AKAP13: variants seen among roughly 807,000 people sequenced by gnomAD.
AKAP13 encodes the protein A-kinase anchoring protein 13, also known as A-kinase anchor protein 13.
AKAP13 carries 80 observed loss-of-function variants against 264.5 expected under a neutral mutation model. The observed-to-expected ratio is 0.30, with a 90% CI of 0.25 to 0.36. The LOEUF is 0.36. Among genes scored for constraint, AKAP13 ranks in the 10% least tolerant of loss-of-function variants. The pLI is 1.00. For missense variants in AKAP13, 3,712 were observed against 3,435.2 expected (o/e 1.08, Z -2.01); for synonymous variants, 1,380 against 1,250.2 (o/e 1.10, Z -2.19).
intron 17 of AKAP13, among the ~76,000 whole-genome samples, chr15:85,697,245 A>G (rs919757255): frequency 6.6e-6 from 1 of 152,220 alleles, no homozygotes; most frequent in African/African-American, 2.4e-5. Context: ...ATGAGGAAGA[A>G]TTAGGGGATG....
chr15:85,669,798 CATT>C lies in AKAP13; in HGVS notation c.5071_5073del (p.Leu1691del). ...TCCTCTCCATTGACAAAATCCATCT[CATT>C]AATGACAATCAGCCATCCTGGATTG... On this transcript the variant is annotated inframe_deletion, in exon 14 of 37. Coordinates refer to ENST00000394518, the MANE Select transcript of AKAP13 (RefSeq NM_007200.5). 1 of 1,612,550 alleles carries C rather than the reference CATT, an allele frequency of 6.2e-7. No individual in the cohort carries two copies. The highest frequency in any genetic ancestry group is 8.5e-7 in the Non-Finnish European group (1 of 1,178,688).
intron 1 of AKAP13, among the ~76,000 whole-genome samples, chr15:85,416,262 A>G (rs993698204): frequency 1.2e-4 from 19 of 152,202 alleles, no homozygotes; most frequent in African/African-American, 4.3e-4. Context: ...TTCTTGGGGA[A>G]GGAGTTAAAA....
At chr15:85,463,084 A>G (rs374429566) in intron 1 of AKAP13, among the ~76,000 whole-genome samples, 1 of 151,840 alleles carries the variant, frequency 6.6e-6, no homozygotes, top group East Asian at 1.9e-4. Flanking sequence ...AGCAAAACAG[A>G]GATGACAGAA....
chr15:85,577,846 T>C (rs2079066466), intron 6 of AKAP13: 1 of 984,970 alleles, frequency 1.0e-6, no homozygotes, highest in African/African-American at 1.7e-5. Flanking sequence ...GGAACATATT[T>C]TGGGGATTAA....
At chr15:85,551,032 G>T (rs944966695) in intron 5 of AKAP13, among the ~76,000 whole-genome samples, 1 of 152,116 alleles carries the variant, frequency 6.6e-6, no homozygotes, top group African/African-American at 2.4e-5. Context: ...ATAGTTAGTC[G>T]CTCTTTTCAC....
intron 16 of AKAP13, chr15:85,693,031 C>G (rs1301948892): frequency 4.2e-6 from 2 of 472,994 alleles, no homozygotes; most frequent in East Asian, 9.6e-5. Flanking sequence ...TAGAAGTAAC[C>G]AATGAATAAG....
chr15:85,735,207 T>C, intron 31 of AKAP13, 57 bp downstream of exon 31: 1 of 1,568,836 alleles, frequency 6.4e-7, no homozygotes, highest in East Asian at 2.2e-5. Context: ...CTCACACAAC[T>C]CAAAATGACT....
intron 33 of AKAP13, among the ~76,000 whole-genome samples, chr15:85,738,384 C>T (rs1182250672): frequency 2.6e-5 from 4 of 151,208 alleles, no homozygotes; most frequent in Non-Finnish European, 4.4e-5. Context: ...AGTGAAACTC[C>T]GTATCCATCT....
At chr15:85,439,738 C>T (rs1401010852) in intron 1 of AKAP13, among the ~76,000 whole-genome samples, 1 of 143,246 alleles carries the variant, frequency 7.0e-6, no homozygotes, top group East Asian at 2.1e-4. Flanking sequence ...CCAAACACCG[C>T]ATATTCTCAC....
chr15:85,395,091 A>G (rs2071048860), intron 1 of AKAP13, among the ~76,000 whole-genome samples: 1 of 152,218 alleles, frequency 6.6e-6, no homozygotes, highest in Non-Finnish European at 1.5e-5. Context: ...CTTATAGCCC[A>G]TTGTTCAGAG....
rs556316009 is a variant in AKAP13 at position 85,533,058 on chromosome 15, A to G, written c.182-526A>G. The stretch of plus-strand genomic sequence containing the variant: ...TCATAGTAGTAAAATAAAATCAAGT[A>G]ATTATGTACTTTTCCAAGTGCTTCA... On this transcript the variant is annotated intron_variant, in intron 3 of 36. Transcript: ENST00000394518. Among the ~76,000 whole-genome samples the G allele has an allele frequency of 2.6e-5, 4 of 152,378 alleles. No homozygotes were observed. The South Asian group carries it at 8.3e-4, about 32-fold the overall frequency.
intron 1 of AKAP13, among the ~76,000 whole-genome samples, chr15:85,420,904 C>T (rs1452275895): frequency 6.6e-6 from 1 of 151,974 alleles, no homozygotes; most frequent in African/African-American, 2.4e-5. Context: ...GGCAACATGG[C>T]AAGACCGTGT....
chr15:85,718,885 C>T lies in AKAP13; in HGVS notation c.6002-191C>T. On this transcript the variant is annotated intron_variant, in intron 22 of 36. Coordinates refer to ENST00000394518, the MANE Select transcript of AKAP13 (RefSeq NM_007200.5). The surrounding 1 kb of genome is among the most constrained non-coding windows in gnomAD (Gnocchi z 4.9). ...CTGCACTTCAGCCTGGGTGACAGAG[C>T]CAGAACCTGTCTTAAAAAAAAAACA... 1 of 681,206 alleles carries T rather than the reference C, an allele frequency of 1.5e-6. No homozygotes were observed. The highest frequency in any genetic ancestry group is 1.8e-5 in the African/African-American group (1 of 54,142). The allele number at this position is 681,206 out of a possible 1,614,324, so 42.2% of individuals were successfully genotyped here.
intron 1 of AKAP13, among the ~76,000 whole-genome samples, chr15:85,403,878 TG>T (rs2071546942): frequency 2.0e-5 from 3 of 148,872 alleles, no homozygotes; most frequent in African/African-American, 7.4e-5. Context: ...TGACGTGAAA[TG>T]CTCTCTCTCT....
intron 8 of AKAP13, among the ~76,000 whole-genome samples, chr15:85,598,178 G>A (rs2079901320): frequency 6.6e-6 from 1 of 152,050 alleles, no homozygotes; most frequent in African/African-American, 2.4e-5. Flanking sequence ...ACAATGGGTT[G>A]GTTTGGACTC....
At chr15:85,602,572 C>T (rs751443876) in intron 8 of AKAP13, among the ~76,000 whole-genome samples, 15 of 152,134 alleles carry the variant, frequency 9.9e-5, no homozygotes, top group Admixed American at 1.3e-4. Flanking sequence ...CTGCCACCCC[C>T]ACCTTCTGGA....
chr15:85,487,859 G>A (rs1048321830), intron 2 of AKAP13, among the ~76,000 whole-genome samples: 3 of 151,826 alleles, frequency 2.0e-5, no homozygotes, highest in African/African-American at 7.3e-5. Flanking sequence ...AGCCTCCTGA[G>A]TAGCTAGGAC....
At chr15:85,505,963 C>A (rs899154086) in intron 2 of AKAP13, among the ~76,000 whole-genome samples, 2 of 152,136 alleles carry the variant, frequency 1.3e-5, no homozygotes, top group African/African-American at 4.8e-5. Context: ...TAATTAATTT[C>A]TCATCCAGTC....
At chr15:85,714,829 T>C (rs1009745405) in intron 19 of AKAP13, among the ~76,000 whole-genome samples, 2 of 151,986 alleles carry the variant, frequency 1.3e-5, no homozygotes, top group South Asian at 2.1e-4. Flanking sequence ...TAGCCAGGCA[T>C]GGTGGCGGGT....
Sources: allele counts gnomAD v4.1 joint callset (sites outside exome capture counted in the v4.1 genomes callset), GRCh38; gene constraint gnomAD v4.1.1; non-coding constraint Gnocchi (gnomAD v3.1); transcripts MANE v1.5; gene names NCBI Gene and HGNC (gene_info 2026-07-23, HGNC 2026-07-21).